HIBCH: variants seen among roughly 807,000 people sequenced by gnomAD.
HIBCH encodes 3-hydroxyisobutyryl-CoA hydrolase, mitochondrial.
Under a neutral mutation model 58.2 loss-of-function variants are expected in HIBCH, and 50 were observed. That is an observed-to-expected ratio of 0.86 (90% CI 0.68 to 1.09). The LOEUF is 1.09. HIBCH is among the 50% of genes least tolerant of loss of function. The pLI, the probability that HIBCH is intolerant of heterozygous loss-of-function variation, is 0.00. For missense variants in HIBCH, 450 were observed against 449.7 expected (o/e 1.00, Z -0.01); for synonymous variants, 151 against 146.9 (o/e 1.03, Z -0.20).
intron 2 of HIBCH, among the ~76,000 whole-genome samples, chr2:190,298,318 G>C (rs1425219869): frequency 1.3e-5 from 2 of 152,116 alleles, no homozygotes; most frequent in Non-Finnish European, 2.9e-5. Flanking sequence ...CTAGATCCTT[G>C]AGGAATCGCC....
intron 2 of HIBCH, among the ~76,000 whole-genome samples, chr2:190,299,504 T>TATACAC (rs1553506570): frequency 1.3e-5 from 2 of 151,324 alleles, no homozygotes; most frequent in African/African-American, 4.9e-5. Context: ...CAAAGTCTGA[T>TATACAC]ACACACACAC....
intron 6 of HIBCH, among the ~76,000 whole-genome samples, chr2:190,277,090 TA>T (rs1443879688): frequency 6.6e-6 from 1 of 152,156 alleles, no homozygotes; most frequent in Non-Finnish European, 1.5e-5. Context: ...GCAAAAGAGA[TA>T]AAAAAATTTG....
At chr2:190,218,652 T>C (rs545670720) in intron 11 of HIBCH, among the ~76,000 whole-genome samples, 5 of 152,328 alleles carry the variant, frequency 3.3e-5, no homozygotes, top group South Asian at 4.1e-4. Context: ...TAGCTCTTAA[T>C]AGAAGCAACA....
intron 6 of HIBCH, among the ~76,000 whole-genome samples, chr2:190,267,178 T>C (rs1198356409): frequency 6.6e-6 from 1 of 152,186 alleles, no homozygotes; most frequent in African/African-American, 2.4e-5. Flanking sequence ...GAAGACAACA[T>C]CTACAAATCT....
intron 11 of HIBCH, among the ~76,000 whole-genome samples, chr2:190,233,244 T>A (rs1350677644): frequency 1.3e-5 from 2 of 152,090 alleles, no homozygotes; most frequent in African/African-American, 4.8e-5. Context: ...AAATTAACAT[T>A]TTCTGCTCAT....
chr2:190,298,590 G>GT lies in HIBCH; in HGVS notation c.79-1638dup, dbSNP rs553718862. Among the ~76,000 whole-genome samples, 56 of 149,564 alleles carry GT rather than the reference G, an allele frequency of 3.7e-4. 1 individual carries two copies. The highest frequency in any genetic ancestry group is 1.2e-3 in the East Asian group (6 of 5,128). ...ATATCCTTCTCCCACTTTTTGATGG[G>GT]TTTTTTTTTTCTTGTAAATTTAAGT... On this transcript the variant is annotated intron_variant, in intron 2 of 13. Coordinates refer to ENST00000359678, the MANE Select transcript of HIBCH (RefSeq NM_014362.4).
rs771729293 is a variant in HIBCH, at chr2:190,207,958, G to A, written c.1045+922C>T. On this transcript the variant is annotated intron_variant, in intron 13 of 13. Coordinates refer to ENST00000359678, the MANE Select transcript of HIBCH (RefSeq NM_014362.4). The surrounding 1 kb of genome is among the most constrained non-coding windows in gnomAD (Gnocchi z 4.5). The stretch of plus-strand genomic sequence containing the variant: ...ATAGTAAAATAATTAATAAAAACAG[G>A]AACATTAGATATGCAAAATACATGC... Among the ~76,000 whole-genome samples the A allele has an allele frequency of 6.6e-6, 1 of 151,966 alleles. No homozygotes were observed. The highest frequency in any genetic ancestry group is 1.9e-4 in the East Asian group (1 of 5,182).
rs556711149 is a variant in HIBCH at position 190,216,999 on chromosome 2, A to G, written c.892-3924T>C. On this transcript the variant is annotated intron_variant, in intron 11 of 13. Transcript: ENST00000359678. The surrounding 1 kb of genome is among the most constrained non-coding windows in gnomAD (Gnocchi z 4.2). ...AGGAATGGTGTCTTCAAAGCAAACA[A>G]TGAGGAAGTGAGGGTGGAGCCAGGG... 6.6e-6 allele frequency among the ~76,000 whole-genome samples: 1 copy of G among 152,300 alleles called. No homozygotes were observed. The highest frequency in any genetic ancestry group is 6.5e-5 in the Admixed American group (1 of 15,302).
intron 1 of HIBCH, among the ~76,000 whole-genome samples, chr2:190,198,691 G>A (rs2105887790): frequency 6.9e-6 from 1 of 145,396 alleles, no homozygotes; most frequent in East Asian, 2.1e-4. Flanking sequence ...AATTTTTAGA[G>A]CTATGTTTTT....
Position 190,319,785 on chromosome 2 carries a change from G to T in HIBCH, c.-35C>A. On this transcript the variant is annotated 5_prime_UTR_variant, in exon 1 of 14. Coordinates refer to ENST00000359678, the MANE Select transcript of HIBCH (RefSeq NM_014362.4). The stretch of plus-strand genomic sequence containing the variant: ...CTCCGAAGCTAAAGCAGCAGAGCGA[G>T]AATCTCCCGGACCGTTCCAGCGCCT... The T allele has an allele frequency of 6.2e-7, 1 of 1,601,446 alleles. No individual in the cohort carries two copies. The highest frequency in any genetic ancestry group is 2.2e-5 in the East Asian group (1 of 44,618).
chr2:190,200,613 T>C (rs1690203962), downstream of HIBCH: 1 of 174,716 alleles, frequency 5.7e-6, no homozygotes, highest in African/African-American at 2.4e-5. Flanking sequence ...ACAGTAAGTC[T>C]TGTTTGTTTG....
At chr2:190,200,054 T>C (rs1690175864), downstream of HIBCH, 4 of 1,614,124 alleles carry the variant, frequency 2.5e-6, no homozygotes, top group South Asian at 1.1e-5. Context: ...GCACACCGCC[T>C]GTCTCAGGAT....
rs145102111 is a variant in HIBCH at position 190,290,404 on chromosome 2, C to A, written c.385+1G>T. 2 of 1,593,926 alleles carry A rather than the reference C, an allele frequency of 1.3e-6. No individual in the cohort carries two copies. Among genetic ancestry groups the A allele is most frequent in the South Asian group, 2.2e-5 (2 of 90,672 alleles). On this transcript the variant is annotated splice_donor_variant, in intron 5 of 13. Coordinates refer to ENST00000359678, the MANE Select transcript of HIBCH (RefSeq NM_014362.4). LOFTEE classifies it high-confidence loss of function. The stretch of plus-strand genomic sequence containing the variant: ...CAAAGCTCTGAGCAGAATACACATA[C>A]CAACAGCATTATTCAGCATATATTC...
intron 9 of HIBCH, among the ~76,000 whole-genome samples, chr2:190,247,455 C>T (rs2105936195): frequency 6.6e-6 from 1 of 152,268 alleles, no homozygotes; most frequent in Non-Finnish European, 1.5e-5. Context: ...TTCTCTCCAC[C>T]AAGTACTTGG....
intron 6 of HIBCH, among the ~76,000 whole-genome samples, chr2:190,270,586 T>G (rs995344443): frequency 3.3e-5 from 5 of 152,234 alleles, no homozygotes; most frequent in South Asian, 2.1e-4. Flanking sequence ...TTAGAGAGTA[T>G]GTGATAGCCT....
Position 190,207,150 on chromosome 2 carries a change from G to A in HIBCH, c.1045+1730C>T, listed in dbSNP as rs918517744. On this transcript the variant is annotated intron_variant, in intron 13 of 13. Transcript: ENST00000359678. This position sits in a 1 kb window ranked among gnomAD's most constrained non-coding sequence, Gnocchi z 4.5. ...AAACAAAACAAAACAAAAAAAAGTC[G>A]TATAATAAGCACTTCCTTTATGAAT... Among the ~76,000 whole-genome samples, 5 of 151,844 alleles carry A rather than the reference G, an allele frequency of 3.3e-5. No individual in the cohort carries two copies. Among genetic ancestry groups the A allele is most frequent in the African/African-American group, 9.7e-5 (4 of 41,330 alleles).
chr2:190,228,745 A>C (rs1310817016), intron 11 of HIBCH, among the ~76,000 whole-genome samples: 1 of 152,190 alleles, frequency 6.6e-6, no homozygotes, highest in African/African-American at 2.4e-5. Context: ...AGATTTGTTT[A>C]AAGATTAGGG....
chr2:190,234,518 T>C (rs916367779), intron 11 of HIBCH, among the ~76,000 whole-genome samples: 5 of 152,150 alleles, frequency 3.3e-5, no homozygotes, highest in African/African-American at 9.7e-5. Context: ...ATCTCACAAA[T>C]ATAGTGCTGA....
chr2:190,284,102 A>G (rs1397912881), intron 6 of HIBCH, among the ~76,000 whole-genome samples: 1 of 152,246 alleles, frequency 6.6e-6, no homozygotes. Context: ...AAAGGCTGAT[A>G]TAAAGTATAT....
Sources: gnomAD v4.1 joint callset for allele counts (sites outside exome capture counted in the v4.1 genomes callset) on GRCh38, gnomAD v4.1.1 for gene constraint, Gnocchi (gnomAD v3.1) non-coding constraint, MANE v1.5 for transcripts, NCBI Gene and HGNC (gene_info 2026-07-23, HGNC 2026-07-21) for gene names.